The following MCCC2 variants were observed in gnomAD, a reference collection of about 807,000 sequenced individuals.
MCCC2 encodes the protein methylcrotonyl-CoA carboxylase subunit 2.
A neutral mutation model predicts 77.2 loss-of-function variants in MCCC2; 52 were observed. The ratio of observed to expected loss-of-function variants is 0.67; its 90% confidence interval spans 0.54 to 0.85. MCCC2 has a LOEUF of 0.85. Among genes scored for constraint, MCCC2 ranks in the 40% least tolerant of loss-of-function variants. The pLI is 0.00. For synonymous variants in MCCC2, 253 were observed against 248.4 expected, an observed-to-expected ratio of 1.02 and a Z score of -0.18; for missense variants, 682 against 703.2, an observed-to-expected ratio of 0.97 and a Z score of 0.34.
intron 5 of MCCC2, among the ~76,000 whole-genome samples, chr5:71,603,600 C>T (rs553596559): frequency 9.2e-5 from 14 of 152,160 alleles, no homozygotes; most frequent in African/African-American, 2.6e-4. Flanking sequence ...CTGCTCTGCA[C>T]GTAGAGAAAA....
chr5:71,642,972 C>T (rs1747167891), intron 11 of MCCC2, among the ~76,000 whole-genome samples: 2 of 147,176 alleles, frequency 1.4e-5, no homozygotes, highest in Non-Finnish European at 3.0e-5. Flanking sequence ...CATTGCATTC[C>T]AGCCTGGGCG....
chr5:71,605,454 G>A (rs932041432), intron 6 of MCCC2, among the ~76,000 whole-genome samples: 5 of 151,692 alleles, frequency 3.3e-5, no homozygotes, highest in Admixed American at 2.0e-4. Flanking sequence ...GTAAATTTGA[G>A]TTCATTGTAG....
chr5:71,597,116 G>GGA (rs138876138), intron 3 of MCCC2, among the ~76,000 whole-genome samples: 112 of 150,722 alleles, frequency 7.4e-4, no homozygotes, highest in East Asian at 1.9e-3. Context: ...ATTTAAAGGA[G>GGA]GAGAGAGAGA....
At chr5:71,635,623 A>G (rs1328003912) in intron 10 of MCCC2, 1 of 354,448 alleles carries the variant, frequency 2.8e-6, no homozygotes, top group Non-Finnish European at 5.5e-6. Flanking sequence ...AAGTTGTTGG[A>G]AGAAAAAACA....
chr5:71,598,532 C>T (rs530495271), intron 3 of MCCC2, among the ~76,000 whole-genome samples: 6 of 148,710 alleles, frequency 4.0e-5, no homozygotes, highest in African/African-American at 9.9e-5. Flanking sequence ...CTCTGCCTTC[C>T]GGATTCAGGT....
At position 71,633,091 on chromosome 5, in the gene MCCC2, TTATATATA is replaced by T. The variant is rs137979624; in HGVS notation, c.803+940_803+947del. Among the ~76,000 whole-genome samples, 452 of 84,174 alleles carry T rather than the reference TTATATATA, an allele frequency of 5.4e-3. 6 individuals carry two copies. The highest frequency in any genetic ancestry group is 0.018 in the South Asian group (47 of 2,600). 55.2% of individuals were successfully genotyped at this position (84,174 alleles called of 152,430 possible). On this transcript the variant is annotated intron_variant, in intron 8 of 16. Coordinates refer to ENST00000340941, the MANE Select transcript of MCCC2 (RefSeq NM_022132.5). The stretch of plus-strand genomic sequence containing the variant: ...GAGGAGGAGGGTTTTTTTTTCAGTT[TTATATATA>T]TATATATATATATATATATATATAT...
Position 71,652,669 on chromosome 5 carries a change from T to C in MCCC2, c.1489T>C (p.Phe497Leu), listed in dbSNP as rs1747467743. Residue 497 changes from phenylalanine to leucine, a missense_variant and splice_region_variant, in exon 16 of 17, where the codon TTC becomes CTC. Coordinates refer to ENST00000340941, the MANE Select transcript of MCCC2 (RefSeq NM_022132.5). The part of the protein sequence containing the change: ...KDQRAREGKQ[F>L]SSADEAALKE... ...TTACTCATGGCCTCTTTTCCTTTAGTTCTCCAGTGCTGATGAAGCGGCTTT... is the reference window on the plus strand; with the variant it reads ...TTACTCATGGCCTCTTTTCCTTTAGCTCTCCAGTGCTGATGAAGCGGCTTT... The C allele has an allele frequency of 1.2e-6, 2 of 1,614,116 alleles. No individual in the cohort carries two copies. The highest frequency in any genetic ancestry group is 1.7e-6 in the Non-Finnish European group (2 of 1,179,952).
rs776302171 is a variant in MCCC2, at chr5:71,650,023, G to A, written c.1374-46G>A. On this transcript the variant is annotated intron_variant, in intron 14 of 16. Transcript: ENST00000340941. Reference sequence around the variant, plus strand: ...CAAACATGGGCCTCTGAAAATCTATGTTGTATATTGACTTAATTTGTTTAT... The same window carrying A: ...CAAACATGGGCCTCTGAAAATCTATATTGTATATTGACTTAATTTGTTTAT... 2.3e-5 allele frequency: 33 copies of A among 1,450,316 alleles called. No individual in the cohort carries two copies. In the Admixed American group the frequency reaches 5.4e-4, roughly 24 times the overall value. 89.8% of individuals were successfully genotyped at this position (1,450,316 alleles called of 1,614,324 possible).
At position 71,602,250 on chromosome 5, in the gene MCCC2, T is replaced by A. The variant is rs184323142; in HGVS notation, c.384-256T>A. 6.6e-5 allele frequency among the ~76,000 whole-genome samples: 10 copies of A among 152,320 alleles called. No individual in the cohort carries two copies. In the East Asian group the frequency reaches 1.9e-3, roughly 29 times the overall value. Reference sequence around the variant, plus strand: ...TAGGTTGTTAGTTTTTTATTACTAATCTAGGACTGATGACTTTTCAAAAAC... The same window carrying A: ...TAGGTTGTTAGTTTTTTATTACTAAACTAGGACTGATGACTTTTCAAAAAC... On this transcript the variant is annotated intron_variant, in intron 4 of 16. Coordinates refer to ENST00000340941, the MANE Select transcript of MCCC2 (RefSeq NM_022132.5).
At chr5:71,637,940 C>T (rs773114695) in intron 10 of MCCC2, among the ~76,000 whole-genome samples, 2 of 152,114 alleles carry the variant, frequency 1.3e-5, no homozygotes, top group East Asian at 1.9e-4. Context: ...TCTTGATCTC[C>T]GGACTTCATG....
At chr5:71,603,469 A>G (rs7378819) in intron 5 of MCCC2, among the ~76,000 whole-genome samples, 129,860 of 149,302 alleles carry the variant, frequency 0.87, 56,649 homozygotes, top group East Asian at 0.99. Flanking sequence ...GGTTAGTCTG[A>G]TAAAATTCCA....
At chr5:71,630,089 T>C (rs1195247208) in intron 7 of MCCC2, among the ~76,000 whole-genome samples, 1 of 152,228 alleles carries the variant, frequency 6.6e-6, no homozygotes, top group Non-Finnish European at 1.5e-5. Context: ...GAAGTTCTGT[T>C]GGAGAACTGG....
At chr5:71,643,637 CAG>C (rs1457288024) in intron 11 of MCCC2, 180 bp from the exon 12 acceptor site, 13 of 1,147,926 alleles carry the variant, frequency 1.1e-5, no homozygotes, top group Middle Eastern at 2.6e-4. Flanking sequence ...CAAAAGAAAC[CAG>C]AGTCTAGGAC....
In MCCC2 at chr5:71,649,050, A is replaced by C. The variant is rs754229746; in HGVS notation, c.1217-47A>C. The C allele has an allele frequency of 5.0e-6, 8 of 1,607,640 alleles. No homozygotes were observed. In the South Asian group the frequency reaches 8.8e-5, roughly 18 times the overall value. On this transcript the variant is annotated intron_variant, in intron 13 of 16. Coordinates refer to ENST00000340941, the MANE Select transcript of MCCC2 (RefSeq NM_022132.5). ...TCCTTTTGGTGGAATTGCGTTCCGC[A>C]TATTAATCCCATCACCCAGAGGCTC...
At chr5:71,635,521 C>T (rs1178423794) in intron 10 of MCCC2, 3 of 469,640 alleles carry the variant, frequency 6.4e-6, no homozygotes, top group Admixed American at 6.3e-5. Flanking sequence ...ACTCCATGTC[C>T]TGTGCACATT....
chr5:71,639,854 A>C (rs1747062133), intron 10 of MCCC2, among the ~76,000 whole-genome samples: 1 of 152,202 alleles, frequency 6.6e-6, no homozygotes, highest in African/African-American at 2.4e-5. Flanking sequence ...TTTTTTAGGA[A>C]AAGAAGTAAA....
chr5:71,647,533 TTTTTG>T (rs1236479395), intron 13 of MCCC2, among the ~76,000 whole-genome samples: 3 of 152,252 alleles, frequency 2.0e-5, no homozygotes, highest in African/African-American at 7.2e-5. Context: ...GATATCTACA[TTTTTG>T]TTTTGTTTTG....
At chr5:71,609,745 T>G (rs963392817) in intron 6 of MCCC2, among the ~76,000 whole-genome samples, 3 of 152,242 alleles carry the variant, frequency 2.0e-5, no homozygotes, top group South Asian at 2.1e-4. Flanking sequence ...GATGGGTTTT[T>G]GGTGTGGATG....
At chr5:71,641,139 G>T in intron 11 of MCCC2, 64 bp downstream of exon 11, 2 of 1,445,556 alleles carry the variant, frequency 1.4e-6, no homozygotes, top group Non-Finnish European at 9.7e-7. Context: ...GGAATCTCTT[G>T]TTTCAAGACT....
Sources: gnomAD v4.1 joint callset for allele counts (sites outside exome capture counted in the v4.1 genomes callset) on GRCh38, gnomAD v4.1.1 for gene constraint, MANE v1.5 for transcripts, NCBI Gene and HGNC (gene_info 2026-07-23, HGNC 2026-07-21) for gene names.